Variants in ABCD3 observed in about 807,000 individuals in gnomAD.
The protein encoded by ABCD3 is ATP binding cassette subfamily D member 3.
Under a neutral mutation model 105.5 loss-of-function variants are expected in ABCD3, and 41 were observed. The ratio of observed to expected loss-of-function variants is 0.39; its 90% CI spans 0.30 to 0.50. The LOEUF is 0.50. Ranked by LOEUF, ABCD3 falls within the 20% of genes least tolerant of loss-of-function variation. The pLI is 0.84. For missense variants in ABCD3, 622 were observed against 806.3 expected, an observed-to-expected ratio of 0.77 and a Z score of 2.77; for synonymous variants, 258 against 269.0, an observed-to-expected ratio of 0.96 and a Z score of 0.40.
At chr1:94,482,938 C>T in intron 9 of ABCD3, 1 of 512,638 alleles carries the variant, frequency 2.0e-6, no homozygotes, top group Non-Finnish European at 3.5e-6. Context: ...ATACCTATGC[C>T]ATAGGTTGCA....
intron 2 of ABCD3, among the ~76,000 whole-genome samples, chr1:94,459,098 G>C (rs1647739718): frequency 6.6e-6 from 1 of 150,934 alleles, no homozygotes; most frequent in Non-Finnish European, 1.5e-5. Context: ...CCAGGCTGGA[G>C]TGCAGTGGCA....
chr1:94,418,393 G>C lies in ABCD3; in HGVS notation c.-86G>C, dbSNP rs1194265601. Reference sequence around the variant, plus strand: ...GGCCCCGCCCTCTGCTCTCCTCCCAGTCTCCCCCGCGCTGCGTGCAGTAAG... The same window carrying C: ...GGCCCCGCCCTCTGCTCTCCTCCCACTCTCCCCCGCGCTGCGTGCAGTAAG... On this transcript the variant is annotated 5_prime_UTR_variant, in exon 1 of 23. Transcript: ENST00000370214. 3 of 1,229,238 alleles carry C rather than the reference G, an allele frequency of 2.4e-6. No homozygotes were observed. The highest frequency in any genetic ancestry group is 3.4e-6 in the Non-Finnish European group (3 of 870,606). The allele number at this position is 1,229,238 out of a possible 1,614,324, so 76.1% of individuals were successfully genotyped here. A position where few individuals can be genotyped will look rare whatever the true frequency, so the allele number is the denominator to read the frequency against.
intron 1 of ABCD3, among the ~76,000 whole-genome samples, chr1:94,442,640 A>G (rs1660175318): frequency 6.6e-6 from 1 of 152,126 alleles, no homozygotes; most frequent in Non-Finnish European, 1.5e-5. Flanking sequence ...CACCTTTTGT[A>G]ATCTGCAGTG....
Position 94,477,227 on chromosome 1 carries a change from CAAAAAAAAAAAAAAAA to C in ABCD3, c.628-1019_628-1004del, listed in dbSNP as rs561060182. 1.4e-4 allele frequency among the ~76,000 whole-genome samples: 6 copies of C among 44,294 alleles called. 1 individual carries two copies. The highest frequency in any genetic ancestry group is 1.7e-3 in the East Asian group (2 of 1,172). The allele number at this position is 44,294 out of a possible 152,430, so 29.1% of individuals were successfully genotyped here. ...TCTAGCTTCTTGATAACTTATAAGG[CAAAAAAAAAAAAAAAA>C]AAAAAAAAAAAAGGAAAGGGAAAGG... On this transcript the variant is annotated intron_variant, in intron 7 of 22. Transcript: ENST00000370214.
chr1:94,409,417 C>T, the ABCD3 span, among the ~76,000 whole-genome samples: 42 of 152,156 alleles, frequency 2.8e-4, no homozygotes, highest in Non-Finnish European at 3.8e-4. Context: ...TTTTGTATTT[C>T]GGTCTTTTCT....
At chr1:94,404,818 C>A in the ABCD3 span, among the ~76,000 whole-genome samples, 1 of 151,662 alleles carries the variant, frequency 6.6e-6, no homozygotes, top group Non-Finnish European at 1.5e-5. Context: ...CTTAATTATA[C>A]CTCCTGGAAA....
intron 4 of ABCD3, among the ~76,000 whole-genome samples, chr1:94,471,577 T>C (rs963900221): frequency 9.9e-5 from 15 of 152,078 alleles, no homozygotes; most frequent in African/African-American, 3.1e-4. Flanking sequence ...AAAACACTCA[T>C]TTTAAAGTTG....
At chr1:94,511,124 T>C (rs1306466075) in intron 21 of ABCD3, among the ~76,000 whole-genome samples, 1 of 152,154 alleles carries the variant, frequency 6.6e-6, no homozygotes, top group Non-Finnish European at 1.5e-5. Context: ...TTGCAGCGGC[T>C]GGTACCAGTT....
At chr1:94,453,540 G>T (rs113294218) in intron 1 of ABCD3, among the ~76,000 whole-genome samples, 2 of 151,738 alleles carry the variant, frequency 1.3e-5, no homozygotes, top group African/African-American at 2.4e-5. Context: ...GGATGGTCTC[G>T]ATCTCCTGAC....
In ABCD3 at chr1:94,518,071, T is replaced by C. The variant is rs940999461; in HGVS notation, c.*942T>C. 2 of 151,942 alleles carry C rather than the reference T, an allele frequency of 1.3e-5. No homozygotes were observed. The highest frequency in any genetic ancestry group is 4.8e-5 in the African/African-American group (2 of 41,422). 9.4% of individuals were successfully genotyped at this position (151,942 alleles called of 1,614,324 possible). A position where few individuals can be genotyped will look rare whatever the true frequency, so the allele number is the denominator to read the frequency against. ...ATCACTGTCTTTGACTGTGATTTTA[T>C]GTTTAAAAAGTATGTTCTAAAATTA... On this transcript the variant is annotated 3_prime_UTR_variant, in exon 23 of 23. Transcript: ENST00000370214.
chr1:94,400,335 C>T, the ABCD3 span, among the ~76,000 whole-genome samples: 2 of 149,768 alleles, frequency 1.3e-5, no homozygotes, highest in Non-Finnish European at 3.0e-5. Flanking sequence ...AACACAGGAG[C>T]GGAGGTTGCA....
In ABCD3 at chr1:94,517,259, G is replaced by T; in HGVS notation, c.*130G>T. On this transcript the variant is annotated 3_prime_UTR_variant, in exon 23 of 23. Coordinates refer to ENST00000370214, the MANE Select transcript of ABCD3 (RefSeq NM_002858.4). ...AAAAAACAAAGCAACAAATTAACTA[G>T]ATACAGAATAATGGAGAACAAGTTG... 1 of 704,274 alleles carries T rather than the reference G, an allele frequency of 1.4e-6. No individual in the cohort carries two copies. The highest frequency in any genetic ancestry group is 2.3e-5 in the Admixed American group (1 of 44,358). 43.6% of individuals were successfully genotyped at this position (704,274 alleles called of 1,614,324 possible).
intron 3 of ABCD3, among the ~76,000 whole-genome samples, chr1:94,466,073 A>G (rs1648118419): frequency 6.6e-6 from 1 of 152,206 alleles, no homozygotes; most frequent in Non-Finnish European, 1.5e-5. Context: ...TTTTAAAAAA[A>G]GTAATGACAC....
At chr1:94,385,849 T>C in the ABCD3 span, among the ~76,000 whole-genome samples, 1 of 152,222 alleles carries the variant, frequency 6.6e-6, no homozygotes, top group South Asian at 2.1e-4. Flanking sequence ...TGTCTATATA[T>C]AGCAGGTTAC....
At chr1:94,485,450 G>A (rs752054325) in intron 10 of ABCD3, among the ~76,000 whole-genome samples, 1 of 152,074 alleles carries the variant, frequency 6.6e-6, no homozygotes, top group African/African-American at 2.4e-5. Flanking sequence ...TTTTTGCCTC[G>A]TCGGTATTTA....
intron 4 of ABCD3, among the ~76,000 whole-genome samples, chr1:94,468,582 A>G: frequency 6.6e-6 from 1 of 152,206 alleles, no homozygotes; most frequent in South Asian, 2.1e-4. Context: ...ATAACAATTT[A>G]CCATTTATCT....
chr1:94,475,708 G>A lies in ABCD3; in HGVS notation c.598G>A (p.Val200Ile), dbSNP rs374227095. The change falls in exon 7 of 23, where the codon GTA (valine) becomes ATA (isoleucine). Residue 200 changes from valine (V) to isoleucine (I), a missense_variant. Transcript: ENST00000370214. The stretch of plus-strand genomic sequence containing the variant: ...AGATGTAGAAAAATTTTGTAACAGT[G>A]TAGTCGATCTGTATTCAAATCTTAG... ...TQDVEKFCNS[V>I]VDLYSNLSKP... The A allele has an allele frequency of 1.2e-5, 20 of 1,605,598 alleles. No individual in the cohort carries two copies. In the African/African-American group the frequency reaches 2.4e-4, roughly 19 times the overall value.
At chr1:94,458,291 A>T (rs1367798346) in intron 1 of ABCD3, among the ~76,000 whole-genome samples, 1 of 152,186 alleles carries the variant, frequency 6.6e-6, no homozygotes, top group Non-Finnish European at 1.5e-5. Context: ...TTACATGGCC[A>T]AGCTATGATT....
the ABCD3 span, among the ~76,000 whole-genome samples, chr1:94,412,091 T>C: frequency 1.3e-5 from 2 of 152,158 alleles, no homozygotes; most frequent in South Asian, 4.1e-4. Flanking sequence ...TGCCCCACAT[T>C]GTAAATGAAC....
Sources: allele counts gnomAD v4.1 joint callset (sites outside exome capture counted in the v4.1 genomes callset), GRCh38; gene constraint gnomAD v4.1.1; transcripts MANE v1.5; gene names NCBI Gene and HGNC (gene_info 2026-07-23, HGNC 2026-07-21).